The following CDS1 variants were observed in gnomAD, a reference collection of about 807,000 sequenced individuals.
CDS1 encodes phosphatidate cytidylyltransferase 1.
CDS1 carries 41 observed loss-of-function variants against 62.1 expected under a neutral mutation model. The observed-to-expected ratio is 0.66, with a 90% CI of 0.51 to 0.86. The LOEUF (loss-of-function observed/expected upper bound fraction) is 0.86. Ranked by LOEUF, CDS1 falls within the 40% of genes least tolerant of loss-of-function variation. The probability of loss-of-function intolerance (pLI) is 0.00; values close to 1 mark genes in which losing one functional copy is unlikely to be tolerated. For missense variants in CDS1, 470 were observed against 550.1 expected, an observed-to-expected ratio of 0.85 and a Z score of 1.46; for synonymous variants, 185 against 192.6, an observed-to-expected ratio of 0.96 and a Z score of 0.32.
chr4:84,601,090 T>C (rs368708528), intron 1 of CDS1, among the ~76,000 whole-genome samples: 14 of 147,132 alleles, frequency 9.5e-5, no homozygotes, highest in Admixed American at 5.1e-4. Flanking sequence ...GGAGGATGGC[T>C]TGAGCCCAGG....
At chr4:84,620,511 C>T (rs7438419) in intron 5 of CDS1, among the ~76,000 whole-genome samples, 5,030 of 151,166 alleles carry the variant, frequency 0.033, 118 homozygotes, top group South Asian at 0.057. Flanking sequence ...CATGAGCCAC[C>T]GCGCCTGGCC....
intron 1 of CDS1, among the ~76,000 whole-genome samples, chr4:84,587,056 A>C (rs1488451214): frequency 1.3e-5 from 2 of 152,182 alleles, no homozygotes; most frequent in Non-Finnish European, 2.9e-5. Flanking sequence ...TTAAGAAAAG[A>C]AAGACGGAAT....
chr4:84,617,607 TA>T lies in CDS1; in HGVS notation c.387del (p.Ile129MetfsTer17), dbSNP rs766144669. The T allele has an allele frequency of 2.5e-6, 4 of 1,598,466 alleles. No individual in the cohort carries two copies. On this transcript the variant is annotated frameshift_variant, in exon 4 of 13. Coordinates refer to ENST00000295887, the MANE Select transcript of CDS1 (RefSeq NM_001263.4). LOFTEE classifies it high-confidence loss of function. ...AAATGCTTCCATGAAATTATCACTA[TA>T]GGTTATAGAGTCTATCATTCTTATG... ...QVKCFHEIIT[I>X]GYRVYHSYDL... is the part of the protein sequence containing the mutation.
At position 84,620,023 on chromosome 4, in the gene CDS1, T is replaced by TA. The variant is rs34828724; in HGVS notation, c.580+508dup. Reference sequence around the variant, plus strand: ...CTCCAGCCTGGGCAAAACTCTTATCTAAAAAAAAAAAAAAAAAAGAAAGAA... The same window carrying TA: ...CTCCAGCCTGGGCAAAACTCTTATCTAAAAAAAAAAAAAAAAAAAGAAAGAA... On this transcript the variant is annotated intron_variant, in intron 5 of 12. Coordinates refer to ENST00000295887, the MANE Select transcript of CDS1 (RefSeq NM_001263.4). Among the ~76,000 whole-genome samples the TA allele has an allele frequency of 5.8e-3, 699 of 121,366 alleles. 2 individuals are homozygous for TA. Among genetic ancestry groups the TA allele is most frequent in the South Asian group, 0.019 (66 of 3,560 alleles). The allele number at this position is 121,366 out of a possible 152,430, so 79.6% of individuals were successfully genotyped here. A position where few individuals can be genotyped will look rare whatever the true frequency, so the allele number is the denominator to read the frequency against.
chr4:84,610,798 G>T (rs1383887846), intron 3 of CDS1, among the ~76,000 whole-genome samples: 1 of 152,078 alleles, frequency 6.6e-6, no homozygotes, highest in Non-Finnish European at 1.5e-5. Context: ...CAAATTTATA[G>T]CCTAGGACCA....
chr4:84,600,007 G>A (rs760469665), intron 1 of CDS1, among the ~76,000 whole-genome samples: 22 of 152,112 alleles, frequency 1.4e-4, no homozygotes, highest in Admixed American at 3.9e-4. Context: ...CCGGCAGTGC[G>A]CAAGCCTTTC....
chr4:84,642,370 A>G (rs1372948180), intron 10 of CDS1, among the ~76,000 whole-genome samples: 9 of 152,168 alleles, frequency 5.9e-5, no homozygotes, highest in African/African-American at 1.4e-4. Context: ...TCTTTCTTCA[A>G]CCAAAATGGG....
chr4:84,592,672 A>G (rs990382855), intron 1 of CDS1, among the ~76,000 whole-genome samples: 1 of 152,230 alleles, frequency 6.6e-6, no homozygotes, highest in Admixed American at 6.5e-5. Flanking sequence ...TGGGAGAAAA[A>G]AGAGTCCAGT....
chr4:84,611,912 T>G (rs1224919364), intron 3 of CDS1, among the ~76,000 whole-genome samples: 1 of 152,070 alleles, frequency 6.6e-6, no homozygotes, highest in Admixed American at 6.5e-5. Flanking sequence ...CCATTGGCCC[T>G]GGGACTTGGG....
At chr4:84,633,608 T>C (rs1724089688) in intron 6 of CDS1, among the ~76,000 whole-genome samples, 1 of 152,218 alleles carries the variant, frequency 6.6e-6, no homozygotes, top group African/African-American at 2.4e-5. Context: ...TAAAAGTTAG[T>C]ACTATATAAT....
At chr4:84,630,036 C>G (rs1026258054) in intron 5 of CDS1, among the ~76,000 whole-genome samples, 2 of 152,056 alleles carry the variant, frequency 1.3e-5, no homozygotes, top group Non-Finnish European at 2.9e-5. Flanking sequence ...CTGCTTTGCC[C>G]CTTACCCATT....
chr4:84,646,433 T>C (rs1435419343), intron 12 of CDS1, among the ~76,000 whole-genome samples: 2 of 152,170 alleles, frequency 1.3e-5, no homozygotes, highest in African/African-American at 2.4e-5. Flanking sequence ...AGCCTTCTTA[T>C]CTAATTTATC....
chr4:84,641,329 G>C (rs1030501022), intron 10 of CDS1, among the ~76,000 whole-genome samples: 1 of 152,152 alleles, frequency 6.6e-6, no homozygotes, highest in Non-Finnish European at 1.5e-5. Flanking sequence ...GCTTCCCAAG[G>C]TGCTGGGATT....
intron 2 of CDS1, among the ~76,000 whole-genome samples, chr4:84,607,431 C>G (rs1723161638): frequency 6.6e-6 from 1 of 151,598 alleles, no homozygotes. Context: ...TCCTCTCCCC[C>G]CACTCCCCCC....
intron 12 of CDS1, among the ~76,000 whole-genome samples, 165 bp from the exon 13 acceptor site, chr4:84,648,392 C>T (rs1724615319): frequency 6.6e-6 from 1 of 152,178 alleles, no homozygotes; most frequent in Admixed American, 6.5e-5. Flanking sequence ...TAACCCTTGA[C>T]ACTAACATTG....
rs191143815 is a variant in CDS1, at chr4:84,623,040, C to G, written c.580+3507C>G. The stretch of plus-strand genomic sequence containing the variant: ...TTTTTCCTTTAGGTTTGACCCATGT[C>G]TGTTGGTAGTATTTTCAGATGTTTA... On this transcript the variant is annotated intron_variant, in intron 5 of 12. Coordinates refer to ENST00000295887, the MANE Select transcript of CDS1 (RefSeq NM_001263.4). Among the ~76,000 whole-genome samples, 8 of 152,218 alleles carry G rather than the reference C, an allele frequency of 5.3e-5. No individual in the cohort carries two copies. The East Asian group carries it at 1.5e-3, about 29-fold the overall frequency.
chr4:84,633,121 C>G (rs1237432138), intron 6 of CDS1, among the ~76,000 whole-genome samples: 1 of 152,172 alleles, frequency 6.6e-6, no homozygotes, highest in Non-Finnish European at 1.5e-5. Context: ...GAGACCCTAT[C>G]TCAAGGGTGG....
intron 1 of CDS1, among the ~76,000 whole-genome samples, chr4:84,586,484 A>G (rs572415165): frequency 5.3e-5 from 8 of 152,128 alleles, no homozygotes; most frequent in Admixed American, 4.6e-4. Context: ...GCAGTTCACA[A>G]CAGGGTTCAA....
chr4:84,630,661 T>C (rs1723991685), intron 5 of CDS1, among the ~76,000 whole-genome samples: 2 of 152,134 alleles, frequency 1.3e-5, no homozygotes, highest in Non-Finnish European at 2.9e-5. Context: ...CTGCAGAGGC[T>C]GGGTACAGTG....
Sources: gnomAD v4.1 joint callset for allele counts (sites outside exome capture counted in the v4.1 genomes callset) on GRCh38, gnomAD v4.1.1 for gene constraint, MANE v1.5 for transcripts, NCBI Gene and HGNC (gene_info 2026-07-23, HGNC 2026-07-21) for gene names.